TMEM236: variants seen among roughly 807,000 people sequenced by gnomAD.
The protein encoded by TMEM236 is family with sequence similarity 23, member A.
Under a neutral mutation model 14.7 loss-of-function variants are expected in TMEM236, and 11 were observed. The observed-to-expected ratio is 0.75, with a 90% CI of 0.47 to 1.24. The LOEUF (loss-of-function observed/expected upper bound fraction) is 1.24. TMEM236 is among the 50% of genes most tolerant of loss of function. The pLI, the probability that TMEM236 is intolerant of heterozygous loss-of-function variation, is 0.00. For missense variants in TMEM236, 464 were observed against 427.3 expected, an observed-to-expected ratio of 1.09 and a Z score of -0.76; for synonymous variants, 182 against 168.6, an observed-to-expected ratio of 1.08 and a Z score of -0.62.
At chr10:17,785,020 C>G (rs1043840020) in intron 3 of TMEM236, among the ~76,000 whole-genome samples, 4 of 152,060 alleles carry the variant, frequency 2.6e-5, no homozygotes, top group African/African-American at 9.7e-5. Context: ...AAGATAGAAG[C>G]GTTAGGACTG....
chr10:17,789,415 T>C (rs1354893837), intron 3 of TMEM236, among the ~76,000 whole-genome samples: 2 of 152,246 alleles, frequency 1.3e-5, no homozygotes, highest in Non-Finnish European at 2.9e-5. Flanking sequence ...ATTTCACTAT[T>C]GCTACTTTTT....
At chr10:17,760,193 C>T (rs1423279257) in intron 1 of TMEM236, among the ~76,000 whole-genome samples, 1 of 152,098 alleles carries the variant, frequency 6.6e-6, no homozygotes, top group African/African-American at 2.4e-5. Context: ...CTAAACACTG[C>T]TGCTTACCAG....
At chr10:17,754,673 T>C (rs1837257630) in intron 1 of TMEM236, among the ~76,000 whole-genome samples, 3 of 152,178 alleles carry the variant, frequency 2.0e-5, no homozygotes, top group South Asian at 2.1e-4. Flanking sequence ...GTAAATTCTG[T>C]TACCCTTGTA....
chr10:17,775,408 C>T (rs921301158), intron 2 of TMEM236, among the ~76,000 whole-genome samples: 1 of 152,152 alleles, frequency 6.6e-6, no homozygotes, highest in South Asian at 2.1e-4. Flanking sequence ...TCGAGTAGCT[C>T]GAACCAAAGA....
At chr10:17,769,625 C>T (rs921167631) in intron 1 of TMEM236, among the ~76,000 whole-genome samples, 1 of 152,084 alleles carries the variant, frequency 6.6e-6, no homozygotes, top group Admixed American at 6.6e-5. Flanking sequence ...GTTGTAGGAA[C>T]TTGGATCTTG....
intron 3 of TMEM236, among the ~76,000 whole-genome samples, chr10:17,776,770 A>G (rs905889171): frequency 1.3e-5 from 2 of 152,212 alleles, no homozygotes; most frequent in Non-Finnish European, 2.9e-5. Flanking sequence ...CACCATCCCT[A>G]TAAAAAAATA....
At chr10:17,765,234 G>A (rs1175746073) in intron 1 of TMEM236, among the ~76,000 whole-genome samples, 3 of 152,030 alleles carry the variant, frequency 2.0e-5, no homozygotes, top group Non-Finnish European at 2.9e-5. Flanking sequence ...GGTCACATTC[G>A]GAGGTACTGG....
At position 17,763,003 on chromosome 10, in the gene TMEM236, G is replaced by A. The variant is rs1022424521; in HGVS notation, c.258-8306G>A. Among the ~76,000 whole-genome samples the A allele has an allele frequency of 4.6e-5, 7 of 152,110 alleles. No homozygotes were observed. In the South Asian group the frequency reaches 6.2e-4, roughly 14 times the overall value. ...CCAGCATTATTTCCAGGCTACTGCA[G>A]GTACAAGCCTTTGTGCTCAGGTACT... On this transcript the variant is annotated intron_variant, in intron 1 of 3. Coordinates refer to ENST00000377495, the MANE Select transcript of TMEM236 (RefSeq NM_001098844.3).
At chr10:17,775,672 G>C (rs1222405711) in intron 2 of TMEM236, among the ~76,000 whole-genome samples, 1 of 152,172 alleles carries the variant, frequency 6.6e-6, no homozygotes, top group African/African-American at 2.4e-5. Flanking sequence ...GACTCTAAAT[G>C]TTCATATTTG....
At chr10:17,789,649 G>A (rs1554835919) in intron 3 of TMEM236, among the ~76,000 whole-genome samples, 1 of 152,166 alleles carries the variant, frequency 6.6e-6, no homozygotes, top group African/African-American at 2.4e-5. Flanking sequence ...GGGAGGCTGA[G>A]GCAGAAGGAT....
At chr10:17,754,989 A>T (rs1837263133) in intron 1 of TMEM236, among the ~76,000 whole-genome samples, 1 of 151,592 alleles carries the variant, frequency 6.6e-6, no homozygotes, top group Admixed American at 6.6e-5. Context: ...TCCAGGCTGG[A>T]GTGCAGTGGC....
intron 1 of TMEM236, 46 bp from the exon 2 acceptor site, chr10:17,771,263 C>G (rs782684201): frequency 1.5e-4 from 233 of 1,562,726 alleles, no homozygotes; most frequent in Middle Eastern, 8.3e-4. Context: ...GAGGAACTGT[C>G]GATCTTGTCC....
intron 1 of TMEM236, among the ~76,000 whole-genome samples, chr10:17,754,382 G>A (rs891745439): frequency 3.9e-5 from 6 of 151,926 alleles, no homozygotes; most frequent in African/African-American, 7.3e-5. Context: ...GTGCAGTGGC[G>A]TGATCATTGC....
chr10:17,783,295 C>T (rs1176151979), intron 3 of TMEM236, among the ~76,000 whole-genome samples: 1 of 152,080 alleles, frequency 6.6e-6, no homozygotes, highest in Non-Finnish European at 1.5e-5. Context: ...GTAATGGGAT[C>T]GTATGTACTG....
chr10:17,796,440 A>T lies in TMEM236; in HGVS notation c.992A>T (p.Tyr331Phe). 6.2e-7 allele frequency: 1 copy of T among 1,613,738 alleles called. No individual in the cohort carries two copies. The highest frequency in any genetic ancestry group is 8.5e-7 in the Non-Finnish European group (1 of 1,179,826). The change falls in exon 4 of 4, where the codon TAC becomes TTC. Residue 331 changes from tyrosine (Y) to phenylalanine (F), a missense_variant. Physicochemically the swap from Tyr to Phe is conservative, Grantham distance 22. Transcript: ENST00000377495. ...AAAAATATCCTCGTGACTCTCTCTT[A>T]CATTTACTTCAATTACCTAACCAGA... is the stretch of plus-strand genomic sequence containing the variant. ...LCKNILVTLS[Y>F]IYFNYLTRIR...
intron 1 of TMEM236, among the ~76,000 whole-genome samples, chr10:17,771,024 T>C (rs1396444523): frequency 6.6e-6 from 1 of 152,254 alleles, no homozygotes; most frequent in Non-Finnish European, 1.5e-5. Context: ...TAATGAATTA[T>C]GAACATGTTG....
chr10:17,784,274 G>A (rs1837799679), intron 3 of TMEM236, among the ~76,000 whole-genome samples: 1 of 152,150 alleles, frequency 6.6e-6, no homozygotes, highest in African/African-American at 2.4e-5. Context: ...TAACCAATAA[G>A]TTAGACAAGA....
intron 3 of TMEM236, among the ~76,000 whole-genome samples, chr10:17,792,530 G>A (rs1206603332): frequency 2.0e-5 from 3 of 152,124 alleles, no homozygotes; most frequent in African/African-American, 7.2e-5. Flanking sequence ...ACAAGTTAGA[G>A]GTAAAAATAA....
intron 1 of TMEM236, among the ~76,000 whole-genome samples, chr10:17,768,085 G>T (rs1837499157): frequency 1.0e-5 from 1 of 98,830 alleles, no homozygotes; most frequent in African/African-American, 4.0e-5. Context: ...TAATTTTTGT[G>T]GTTTTTTTTT....
Sources: allele counts gnomAD v4.1 joint callset (sites outside exome capture counted in the v4.1 genomes callset), GRCh38; gene constraint gnomAD v4.1.1; transcripts MANE v1.5; gene names NCBI Gene and HGNC (gene_info 2026-07-23, HGNC 2026-07-21).